The following CD2AP variants were observed in gnomAD, a reference collection of about 807,000 sequenced individuals.
CD2AP encodes the protein CD2-associated protein.
Under a neutral mutation model 85.1 loss-of-function variants are expected in CD2AP, and 46 were observed. That is an observed-to-expected ratio of 0.54 (90% CI 0.43 to 0.69). The LOEUF (loss-of-function observed/expected upper bound fraction) is 0.69, where lower values mean the gene tolerates loss of function less well. CD2AP is among the 30% of genes least tolerant of loss of function. The pLI is 0.00. For missense variants in CD2AP, 769 were observed against 729.5 expected (o/e 1.05, Z -0.62); for synonymous variants, 255 against 252.9 (o/e 1.01, Z -0.08).
chr6:47,556,061 T>C (rs1270340604), intron 5 of CD2AP, among the ~76,000 whole-genome samples: 2 of 151,610 alleles, frequency 1.3e-5, no homozygotes, highest in African/African-American at 2.4e-5. Flanking sequence ...TTTTCTTTTT[T>C]TTTTTTTTTT....
chr6:47,513,739 A>T (rs969936494), intron 2 of CD2AP, among the ~76,000 whole-genome samples: 1 of 151,882 alleles, frequency 6.6e-6, no homozygotes, highest in Non-Finnish European at 1.5e-5. Context: ...TTCAGTAAAC[A>T]TCTTTTTTGG....
At chr6:47,507,276 C>T (rs1406466574) in intron 2 of CD2AP, among the ~76,000 whole-genome samples, 8 of 152,206 alleles carry the variant, frequency 5.3e-5, no homozygotes, top group African/African-American at 1.4e-4. Flanking sequence ...CCTTCAAAGT[C>T]ATCCTTTAGT....
intron 2 of CD2AP, among the ~76,000 whole-genome samples, chr6:47,510,431 T>C (rs1303557663): frequency 6.6e-6 from 1 of 152,082 alleles, no homozygotes; most frequent in Admixed American, 6.5e-5. Context: ...TTTGGGGTAA[T>C]GAAGATACAA....
At chr6:47,557,312 C>A (rs1056221304) in intron 5 of CD2AP, among the ~76,000 whole-genome samples, 1 of 151,758 alleles carries the variant, frequency 6.6e-6, no homozygotes, top group Non-Finnish European at 1.5e-5. Context: ...TTTGCTGTGC[C>A]GAAGCTCTTT....
intron 2 of CD2AP, among the ~76,000 whole-genome samples, chr6:47,526,305 A>G (rs559060228): frequency 1.3e-5 from 2 of 152,220 alleles, no homozygotes; most frequent in South Asian, 4.1e-4. Flanking sequence ...TCCAGAGAAG[A>G]AGGTGGTGGA....
At chr6:47,512,934 A>G (rs1766357708) in intron 2 of CD2AP, among the ~76,000 whole-genome samples, 2 of 152,240 alleles carry the variant, frequency 1.3e-5, no homozygotes, top group African/African-American at 2.4e-5. Context: ...TGAGATTTCA[A>G]CATGGATACA....
At chr6:47,521,667 A>C (rs988184994) in intron 2 of CD2AP, among the ~76,000 whole-genome samples, 1 of 152,222 alleles carries the variant, frequency 6.6e-6, no homozygotes, top group African/African-American at 2.4e-5. Flanking sequence ...CATTCAGCAA[A>C]AAGCTAATAA....
At position 47,486,298 on chromosome 6, in the gene CD2AP, A is replaced by T. The variant is rs533740312; in HGVS notation, c.4+8050A>T. 2.6e-5 allele frequency among the ~76,000 whole-genome samples: 4 copies of T among 152,258 alleles called. No homozygotes were observed. The East Asian group carries it at 7.7e-4, about 29-fold the overall frequency. ...CTCACAACCCCTGGGTTCTGACATA[A>T]ATGCTTCTGCCTCTCCCTCCCTCCA... is the stretch of plus-strand genomic sequence containing the variant. On this transcript the variant is annotated intron_variant, in intron 1 of 17. Transcript: ENST00000359314.
chr6:47,545,278 A>C (rs983814720), intron 4 of CD2AP: 1 of 155,110 alleles, frequency 6.4e-6, no homozygotes, highest in Non-Finnish European at 1.4e-5. Flanking sequence ...GAGAACCCAC[A>C]GACCCTCTGA....
intron 2 of CD2AP, among the ~76,000 whole-genome samples, chr6:47,526,289 A>G (rs1169173357): frequency 6.6e-6 from 1 of 152,128 alleles, no homozygotes; most frequent in Non-Finnish European, 1.5e-5. Flanking sequence ...TGTAGCTCGG[A>G]GGAGTTCCAG....
chr6:47,611,240 C>G (rs932314721), intron 16 of CD2AP, among the ~76,000 whole-genome samples: 4 of 151,188 alleles, frequency 2.6e-5, no homozygotes, highest in Admixed American at 2.0e-4. Context: ...AGCATACACG[C>G]AATCAGTGTA....
intron 12 of CD2AP, among the ~76,000 whole-genome samples, chr6:47,596,371 C>T (rs957697262): frequency 6.6e-6 from 1 of 152,014 alleles, no homozygotes; most frequent in African/African-American, 2.4e-5. Flanking sequence ...AAACTTATTC[C>T]CTCTATCTAA....
intron 4 of CD2AP, among the ~76,000 whole-genome samples, chr6:47,553,947 G>A (rs1767601799): frequency 6.6e-6 from 1 of 151,970 alleles, no homozygotes; most frequent in Non-Finnish European, 1.5e-5. Flanking sequence ...CATTTAGGAA[G>A]TTATGTTTAT....
At chr6:47,495,677 T>G (rs1765841848) in intron 1 of CD2AP, among the ~76,000 whole-genome samples, 1 of 152,174 alleles carries the variant, frequency 6.6e-6, no homozygotes, top group African/African-American at 2.4e-5. Flanking sequence ...TTCTAATGGG[T>G]CCAAGGAAAT....
chr6:47,533,577 T>C, intron 2 of CD2AP, 25 bp from the exon 3 acceptor site: 1 of 1,609,526 alleles, frequency 6.2e-7, no homozygotes, highest in Middle Eastern at 1.7e-4. Context: ...TTAACTTGCC[T>C]CTTTATTTAT....
chr6:47,616,123 G>T (rs904202341), intron 17 of CD2AP, among the ~76,000 whole-genome samples: 2 of 92,590 alleles, frequency 2.2e-5, no homozygotes, highest in Admixed American at 1.6e-4. Flanking sequence ...ATGAAGTCTT[G>T]CTCTGTTACC....
At chr6:47,609,387 T>C (rs1174932811) in intron 16 of CD2AP, 83 bp downstream of exon 16, 1 of 1,150,790 alleles carries the variant, frequency 8.7e-7, no homozygotes, top group Non-Finnish European at 1.3e-6. Context: ...AGTAAAAATC[T>C]AATCTGTGGC....
intron 2 of CD2AP, among the ~76,000 whole-genome samples, chr6:47,531,063 A>C (rs1035627948): frequency 3.3e-5 from 5 of 152,202 alleles, no homozygotes; most frequent in Non-Finnish European, 5.9e-5. Context: ...CAGCCTGGAC[A>C]ACATAGCAAG....
At chr6:47,515,016 C>T (rs1227560649) in intron 2 of CD2AP, among the ~76,000 whole-genome samples, 1 of 150,996 alleles carries the variant, frequency 6.6e-6, no homozygotes, top group Non-Finnish European at 1.5e-5. Flanking sequence ...CACTCCACTG[C>T]ACTCCAGCCT....
Sources: gnomAD v4.1 joint callset for allele counts (sites outside exome capture counted in the v4.1 genomes callset) on GRCh38, gnomAD v4.1.1 for gene constraint, MANE v1.5 for transcripts, NCBI Gene and HGNC (gene_info 2026-07-23, HGNC 2026-07-21) for gene names.